The following TOGARAM1 variants were observed in gnomAD, a reference collection of about 807,000 sequenced individuals.
The protein encoded by TOGARAM1 is TOG array regulator of axonemal microtubules protein 1.
A neutral mutation model predicts 166.6 loss-of-function variants in TOGARAM1; 100 were observed. The observed-to-expected ratio is 0.60, with a 90% CI of 0.51 to 0.71. TOGARAM1 has a LOEUF of 0.71. Among genes scored for constraint, TOGARAM1 ranks in the 30% least tolerant of loss-of-function variants. The pLI is 0.00. For missense variants in TOGARAM1, 2,029 were observed against 2,102.7 expected, an observed-to-expected ratio of 0.96 and a Z score of 0.69; for synonymous variants, 758 against 763.8, an observed-to-expected ratio of 0.99 and a Z score of 0.13.
chr14:45,043,589 C>T (rs1881834726), intron 11 of TOGARAM1, 97 bp from the exon 12 acceptor site: 1 of 759,482 alleles, frequency 1.3e-6, no homozygotes, highest in East Asian at 2.5e-5. Context: ...GAACCTCTTC[C>T]TTGGCAATAT....
chr14:44,990,953 CTTTTTTTTT>C (rs1171702041), intron 1 of TOGARAM1, among the ~76,000 whole-genome samples: 1 of 74,200 alleles, frequency 1.3e-5, no homozygotes, highest in Non-Finnish European at 2.3e-5. Context: ...CCAGCTGAGG[CTTTTTTTTT>C]TTTTTTTTTT....
At chr14:44,985,401 T>C (rs1201287099) in intron 1 of TOGARAM1, among the ~76,000 whole-genome samples, 1 of 152,122 alleles carries the variant, frequency 6.6e-6, no homozygotes, top group Non-Finnish European at 1.5e-5. Flanking sequence ...CAGTCCCCAA[T>C]CCTTTTGGAA....
chr14:45,014,632 A>G (rs1042527741), intron 7 of TOGARAM1, among the ~76,000 whole-genome samples: 3 of 152,194 alleles, frequency 2.0e-5, no homozygotes, highest in Non-Finnish European at 4.4e-5. Context: ...GATGATAAAC[A>G]CAAAAATAAC....
chr14:44,962,495 G>T lies in TOGARAM1; in HGVS notation c.74G>T (p.Arg25Leu). Residue 25 changes from arginine to leucine, a missense_variant, in exon 1 of 20, where the codon CGC (arginine) becomes CTC (leucine). Physicochemically the swap from Arg to Leu is moderately radical, Grantham distance 102. This residue lies in a region of TOGARAM1 where 1,453 missense variants were observed against 1,432.2 expected (regional missense o/e 1.01). Transcript: ENST00000361462. ...CTCTCTACCTATCGGCTCCAGAGCC[G>T]CAGTCGTCCTTCCGCCCCAGAGACC... ...PVLSTYRLQS[R>L]SRPSAPETDD... 2 of 1,611,308 alleles carry T rather than the reference G, an allele frequency of 1.2e-6. No homozygotes were observed. The highest frequency in any genetic ancestry group is 1.7e-6 in the Non-Finnish European group (2 of 1,179,198).
intron 16 of TOGARAM1, among the ~76,000 whole-genome samples, chr14:45,064,822 G>A (rs1468825898): frequency 2.0e-5 from 3 of 152,074 alleles, no homozygotes; most frequent in Admixed American, 2.0e-4. Context: ...TTTTCTATTT[G>A]TCTTATGTTT....
At chr14:44,986,142 GGTTTTTCTGA>G (rs1360762842) in intron 1 of TOGARAM1, among the ~76,000 whole-genome samples, 1 of 152,046 alleles carries the variant, frequency 6.6e-6, no homozygotes, top group African/African-American at 2.4e-5. Context: ...AAGTTAATTA[GGTTTTTCTGA>G]GAAAAACCTA....
intron 1 of TOGARAM1, among the ~76,000 whole-genome samples, chr14:44,964,954 A>AC (rs1453197340): frequency 6.7e-6 from 1 of 148,236 alleles, no homozygotes; most frequent in Non-Finnish European, 1.5e-5. Flanking sequence ...AGAAAAGTAA[A>AC]AAAAAAAAAA....
chr14:44,986,834 A>G lies in TOGARAM1; in HGVS notation c.2047-8912A>G, dbSNP rs537542140. Among the ~76,000 whole-genome samples, 9 of 150,466 alleles carry G rather than the reference A, an allele frequency of 6.0e-5. No homozygotes were observed. The South Asian group carries it at 8.6e-4, about 14-fold the overall frequency. On this transcript the variant is annotated intron_variant, in intron 1 of 19. Transcript: ENST00000361462. ...ATCCTGGCTAACACGGTGTAACCCC[A>G]TCTCTACTAAAAATACAAAAAATTA...
At chr14:45,040,243 T>C (rs1351679827) in intron 11 of TOGARAM1, among the ~76,000 whole-genome samples, 1 of 152,144 alleles carries the variant, frequency 6.6e-6, no homozygotes, top group Non-Finnish European at 1.5e-5. Context: ...AAAGGAAAAT[T>C]ACAAACTATT....
chr14:45,072,326 G>A (rs1445108268), intron 19 of TOGARAM1, among the ~76,000 whole-genome samples: 1 of 152,148 alleles, frequency 6.6e-6, no homozygotes, highest in African/African-American at 2.4e-5. Context: ...TCTCAGGCCG[G>A]ACTGGGTTGT....
chr14:45,004,676 C>G (rs1887862493), intron 4 of TOGARAM1, among the ~76,000 whole-genome samples: 1 of 152,126 alleles, frequency 6.6e-6, no homozygotes, highest in Non-Finnish European at 1.5e-5. Context: ...TTCTCAAACT[C>G]CTGGTCTCAA....
rs770018414 is a variant in TOGARAM1 at position 44,962,992 on chromosome 14, G to C, written c.571G>C (p.Glu191Gln). The C allele has an allele frequency of 6.2e-7, 1 of 1,614,214 alleles. No homozygotes were observed. Among genetic ancestry groups the C allele is most frequent in the Admixed American group, 1.7e-5 (1 of 60,024 alleles). Residue 191 changes from glutamate (E) to glutamine (Q), a missense_variant, in exon 1 of 20, where the codon GAG becomes CAG. Transcript: ENST00000361462. ...LPQLVVSLRE[E>Q]NPALRKDALQ... ...TCAACTAGTTGTCTCGTTACGGGAA[G>C]AGAATCCAGCCCTGCGGAAAGATGC... is the stretch of plus-strand genomic sequence containing the variant.
Position 45,006,185 on chromosome 14 carries a change from A to T in TOGARAM1, c.2822A>T (p.Asp941Val). Residue 941 changes from aspartate (D) to valine (V), a missense_variant, in exon 5 of 20, where the codon GAT (aspartate) becomes GTT (valine). This residue lies in a region of TOGARAM1 where 1,453 missense variants were observed against 1,432.2 expected (regional missense o/e 1.01). Coordinates refer to ENST00000361462, the MANE Select transcript of TOGARAM1 (RefSeq NM_001308120.2). ...TVGHKKKEPD[D>V]IWKCEKDSLP... Reference sequence around the variant, plus strand: ...GGACACAAAAAGAAAGAGCCTGATGATATTTGGAAGTGTGAAAAAGATAGT... The same window carrying T: ...GGACACAAAAAGAAAGAGCCTGATGTTATTTGGAAGTGTGAAAAAGATAGT... The T allele has an allele frequency of 6.2e-7, 1 of 1,613,978 alleles. No homozygotes were observed. Among genetic ancestry groups the T allele is most frequent in the Non-Finnish European group, 8.5e-7 (1 of 1,179,890 alleles).
chr14:44,974,171 C>T (rs1316241138), intron 1 of TOGARAM1, among the ~76,000 whole-genome samples: 1 of 151,870 alleles, frequency 6.6e-6, no homozygotes, highest in Non-Finnish European at 1.5e-5. Flanking sequence ...GTAGTTTTCC[C>T]ACAGTTCTTG....
intron 16 of TOGARAM1, among the ~76,000 whole-genome samples, chr14:45,055,231 T>C (rs1171152353): frequency 1.3e-5 from 2 of 152,234 alleles, no homozygotes; most frequent in Non-Finnish European, 1.5e-5. Context: ...TTGATTTTTA[T>C]ATAAGGTGAG....
Position 44,993,609 on chromosome 14 carries a change from C to T in TOGARAM1, c.2047-2137C>T, listed in dbSNP as rs545709986. On this transcript the variant is annotated intron_variant, in intron 1 of 19. Coordinates refer to ENST00000361462, the MANE Select transcript of TOGARAM1 (RefSeq NM_001308120.2). The stretch of plus-strand genomic sequence containing the variant: ...ACCACTTTTTCTTCGTTCATTGTTT[C>T]GTCCCATCAAAACTTACCCTAATGA... Among the ~76,000 whole-genome samples, 77 of 152,226 alleles carry T rather than the reference C, an allele frequency of 5.1e-4. 2 individuals carry two copies. In the South Asian group the frequency reaches 0.015, roughly 30 times the overall value.
chr14:45,049,937 T>A (rs1259224491), intron 14 of TOGARAM1, among the ~76,000 whole-genome samples: 1 of 152,216 alleles, frequency 6.6e-6, no homozygotes, highest in Non-Finnish European at 1.5e-5. Flanking sequence ...ATTTCTTAGA[T>A]TCTTATTTAA....
In TOGARAM1 at chr14:44,963,037, T is replaced by C. The variant is rs769924502; in HGVS notation, c.616T>C (p.Cys206Arg). Residue 206 changes from cysteine to arginine, a missense_variant, in exon 1 of 20, where the codon TGT becomes CGT. Around this residue, in one of 2 missense-constraint regions of TOGARAM1, gnomAD observed 1,453 missense variants for 1,432.2 expected, o/e 1.01. Transcript: ENST00000361462. ...AGATGCGCTGCAGATCCTTCATATA[T>C]GTCTGAAACGTAGTCCTGGAGAGGT... ...RKDALQILHI[C>R]LKRSPGEVLR... is the part of the protein sequence containing the mutation. 10 of 1,614,208 alleles carry C rather than the reference T, an allele frequency of 6.2e-6. No individual in the cohort carries two copies. Among genetic ancestry groups the C allele is most frequent in the Non-Finnish European group, 8.5e-6 (10 of 1,180,038 alleles).
At chr14:45,066,440 G>T in intron 16 of TOGARAM1, 138 bp from the exon 17 acceptor site, 2 of 652,984 alleles carry the variant, frequency 3.1e-6, no homozygotes, top group Non-Finnish European at 5.0e-6. Flanking sequence ...AGATACTGTG[G>T]CTATGGGTTA....
Sources: allele counts gnomAD v4.1 joint callset (sites outside exome capture counted in the v4.1 genomes callset), GRCh38; gene constraint gnomAD v4.1.1; regional missense constraint gnomAD v4.1.1; transcripts MANE v1.5; gene names NCBI Gene and HGNC (gene_info 2026-07-23, HGNC 2026-07-21).